CCDC121: variants seen among roughly 807,000 people sequenced by gnomAD.
CCDC121 encodes coiled-coil domain containing 121.
For synonymous variants in CCDC121, 108 were observed against 120.0 expected (o/e 0.90, Z 0.65); for missense variants, 238 against 304.1 (o/e 0.78, Z 1.62).
chr2:27,628,526 G>C lies in CCDC121; in HGVS notation c.-119+424C>G, dbSNP rs1172875284. ...CGGGAACAATGTGCAAGTGTGGAAAGCTCCCGTAGTTTATTCGTTCGGTGC... is the reference window on the plus strand; with the variant it reads ...CGGGAACAATGTGCAAGTGTGGAAACCTCCCGTAGTTTATTCGTTCGGTGC... On this transcript the variant is annotated intron_variant, in intron 1 of 1. Transcript: ENST00000324364. 3 of 1,551,450 alleles carry C rather than the reference G, an allele frequency of 1.9e-6. No homozygotes were observed. The highest frequency in any genetic ancestry group is 2.7e-5 in the African/African-American group (2 of 73,022).
rs367976168 is a variant in CCDC121 at position 27,627,516 on chromosome 2, T to G, written c.284A>C (p.Asn95Thr). 1 of 1,614,176 alleles carries G rather than the reference T, an allele frequency of 6.2e-7. No homozygotes were observed. The highest frequency in any genetic ancestry group is 8.5e-7 in the Non-Finnish European group (1 of 1,180,044). Residue 95 changes from asparagine to threonine, a missense_variant, in exon 2 of 2, where the codon AAT becomes ACT. Asn to Thr is a moderately conservative substitution (Grantham distance 65). Transcript: ENST00000324364. ...CTTCCGCTTCAAACTGGATTGGATA[T>G]TTTCCTTTTGCAAGAGCGCTGTTTT... ...VLKTALLQKE[N>T]IQSSLKRKLQ...
intron 1 of CCDC121, chr2:27,628,534 A>G: frequency 6.4e-7 from 1 of 1,551,438 alleles, no homozygotes; most frequent in Non-Finnish European, 8.7e-7. Flanking sequence ...AAGCTCCCGT[A>G]GTTTATTCGT....
rs4666003 is a variant in CCDC121, at chr2:27,625,719, A to G, written c.*1244T>C. 1 of 152,104 alleles carries G rather than the reference A, an allele frequency of 6.6e-6. No individual in the cohort carries two copies. The highest frequency in any genetic ancestry group is 1.5e-5 in the Non-Finnish European group (1 of 67,976). 9.4% of individuals were successfully genotyped at this position (152,104 alleles called of 1,614,324 possible). On this transcript the variant is annotated 3_prime_UTR_variant, in exon 2 of 2. Coordinates refer to ENST00000324364, the MANE Select transcript of CCDC121 (RefSeq NM_024584.5). ...ATTTAACAGAAAAGTTGTTAAAGCT[A>G]CAAGGTAAAGGCACATTGAAGGAGA...
chr2:27,628,596 T>G, intron 1 of CCDC121: 2 of 1,551,602 alleles, frequency 1.3e-6, no homozygotes, highest in Non-Finnish European at 1.7e-6. Flanking sequence ...GACTGCACCC[T>G]GCTCCAGTCC....
In CCDC121 at chr2:27,627,393, G is replaced by C; in HGVS notation, c.407C>G (p.Ala136Gly). ...GGCCTGTACTTCCCGTGTCTTTGAA[G>C]CTGTCTCAGCTTGGACTTTCTTTGT... ...EETKKVQAET[A>G]SKTREVQAQL... is the part of the protein sequence containing the mutation. The change falls in exon 2 of 2, where the codon GCT becomes GGT. Residue 136 changes from alanine to glycine, a missense_variant. Transcript: ENST00000324364. The C allele has an allele frequency of 1.9e-6, 3 of 1,614,158 alleles. No homozygotes were observed. The highest frequency in any genetic ancestry group is 2.5e-6 in the Non-Finnish European group (3 of 1,180,030).
In CCDC121 at chr2:27,627,508, A is replaced by G; in HGVS notation, c.292T>C (p.Ser98Pro). The change falls in exon 2 of 2, where the codon TCC (serine) becomes CCC (proline). Residue 98 changes from serine (S) to proline (P), a missense_variant. Physicochemically the swap from Ser to Pro is moderately conservative, Grantham distance 74 (BLOSUM62 -1). Transcript: ENST00000324364. Reference sequence around the variant, plus strand: ...GCCTGCAACTTCCGCTTCAAACTGGATTGGATATTTTCCTTTTGCAAGAGC... The same window carrying G: ...GCCTGCAACTTCCGCTTCAAACTGGGTTGGATATTTTCCTTTTGCAAGAGC... ...TALLQKENIQ[S>P]SLKRKLQAMR... 1 of 1,614,022 alleles carries G rather than the reference A, an allele frequency of 6.2e-7. No homozygotes were observed. The highest frequency in any genetic ancestry group is 8.5e-7 in the Non-Finnish European group (1 of 1,180,022).
chr2:27,628,506 A>G lies in CCDC121; in HGVS notation c.-119+444T>C, dbSNP rs146826794. 7.3e-5 allele frequency: 113 copies of G among 1,551,404 alleles called. No individual in the cohort carries two copies. In the African/African-American group the frequency reaches 1.5e-3, roughly 20 times the overall value. ...GAACCTGCGTCTGCAACTCGCGGGAACAATGTGCAAGTGTGGAAAGCTCCC... is the reference window on the plus strand; with the variant it reads ...GAACCTGCGTCTGCAACTCGCGGGAGCAATGTGCAAGTGTGGAAAGCTCCC... On this transcript the variant is annotated intron_variant, in intron 1 of 1. Coordinates refer to ENST00000324364, the MANE Select transcript of CCDC121 (RefSeq NM_024584.5).
chr2:27,627,164 T>C lies in CCDC121; in HGVS notation c.636A>G (p.Gln212=), dbSNP rs373417279. Residue 212 remains glutamine (Q), a synonymous_variant, in exon 2 of 2, where the codon CAA becomes CAG. Coordinates refer to ENST00000324364, the MANE Select transcript of CCDC121 (RefSeq NM_024584.5). Reference sequence around the variant, plus strand: ...TTTGAGTAGCCGTTAGTTTCTGGGCTTGCTCAATTAGCTGCAGTAATTCCT... The same window carrying C: ...TTTGAGTAGCCGTTAGTTTCTGGGCCTGCTCAATTAGCTGCAGTAATTCCT... The part of the protein sequence containing the change: ...FKKELLQLIE[Q]AQKLTATQSH... 3 of 1,613,924 alleles carry C rather than the reference T, an allele frequency of 1.9e-6. No homozygotes were observed. Among genetic ancestry groups the C allele is most frequent in the South Asian group, 1.1e-5 (1 of 91,080 alleles).
rs1230828665 is a variant in CCDC121 at position 27,626,873 on chromosome 2, A to G, written c.*90T>C. On this transcript the variant is annotated 3_prime_UTR_variant, in exon 2 of 2. Transcript: ENST00000324364. Reference sequence around the variant, plus strand: ...TCATGATGGAGATTTTACAATAGCAATCTGGAATCCAACAGCCTTTCTAAC... The same window carrying G: ...TCATGATGGAGATTTTACAATAGCAGTCTGGAATCCAACAGCCTTTCTAAC... 3.1e-5 allele frequency: 28 copies of G among 903,482 alleles called. No homozygotes were observed. The highest frequency in any genetic ancestry group is 4.3e-5 in the Non-Finnish European group (25 of 583,030). 56.0% of individuals were successfully genotyped at this position (903,482 alleles called of 1,614,324 possible).
chr2:27,626,544 A>G lies in CCDC121; in HGVS notation c.*419T>C, dbSNP rs1673283222. ...TAAGTTGGTCAAAAGGAATGAGGAT[A>G]AACTGGCAGAACGCTATTCAAAGTC... On this transcript the variant is annotated 3_prime_UTR_variant, in exon 2 of 2. Coordinates refer to ENST00000324364, the MANE Select transcript of CCDC121 (RefSeq NM_024584.5). 6.5e-6 allele frequency: 1 copy of G among 155,030 alleles called. No homozygotes were observed. Among genetic ancestry groups the G allele is most frequent in the Non-Finnish European group, 1.4e-5 (1 of 69,976 alleles). 9.6% of individuals were successfully genotyped at this position (155,030 alleles called of 1,614,324 possible).
At position 27,627,921 on chromosome 2, in the gene CCDC121, A is replaced by G. The variant is rs777354922; in HGVS notation, c.-118-4T>C. ...CCTTCTGGGGCCCTCAGCAAACCTG[A>G]AAGAACAAACGAGACATTCCTCTGT... On this transcript the variant is annotated splice_region_variant and splice_polypyrimidine_tract_variant and intron_variant, in intron 1 of 1. Transcript: ENST00000324364. The G allele has an allele frequency of 6.3e-7, 1 of 1,595,768 alleles. No individual in the cohort carries two copies. Among genetic ancestry groups the G allele is most frequent in the Non-Finnish European group, 8.6e-7 (1 of 1,164,410 alleles).
At position 27,628,989 on chromosome 2, in the gene CCDC121, C is replaced by G. The variant is rs1394896015; in HGVS notation, c.-158G>C. On this transcript the variant is annotated 5_prime_UTR_variant, in exon 1 of 2. Coordinates refer to ENST00000324364, the MANE Select transcript of CCDC121 (RefSeq NM_024584.5). The stretch of plus-strand genomic sequence containing the variant: ...CGCTGTGGTGGTTTTCGTTCGCAGC[C>G]CAGAACATTGCGGAAGTTTCTCTAC... The G allele has an allele frequency of 6.2e-7, 1 of 1,605,796 alleles. No individual in the cohort carries two copies. Among genetic ancestry groups the G allele is most frequent in the South Asian group, 1.1e-5 (1 of 90,122 alleles).
At position 27,626,166 on chromosome 2, in the gene CCDC121, G is replaced by A. The variant is rs142705188; in HGVS notation, c.*797C>T. 4,103 of 152,274 alleles carry A rather than the reference G, an allele frequency of 0.027. 180 individuals carry two copies. Among genetic ancestry groups the A allele is most frequent in the African/African-American group, 0.094 (3,920 of 41,500 alleles). 9.4% of individuals were successfully genotyped at this position (152,274 alleles called of 1,614,324 possible). ...ACATCATTTTACTTGCTATCTTTTA[G>A]AATGCTGCTAGGGAAATCGATGGCA... On this transcript the variant is annotated 3_prime_UTR_variant, in exon 2 of 2. Transcript: ENST00000324364.
At chr2:27,628,338 T>C in intron 1 of CCDC121, 1 of 1,466,214 alleles carries the variant, frequency 6.8e-7, no homozygotes, top group Non-Finnish European at 9.1e-7. Flanking sequence ...TTCCTGAGTT[T>C]CTGAGGGACC....
At position 27,627,057 on chromosome 2, in the gene CCDC121, T is replaced by G. The variant is rs1374469478; in HGVS notation, c.743A>C (p.Gln248Pro). The change falls in exon 2 of 2, where the codon CAA becomes CCA. Residue 248 changes from glutamine to proline, a missense_variant. Gln to Pro is a moderately conservative substitution (Grantham distance 76). Coordinates refer to ENST00000324364, the MANE Select transcript of CCDC121 (RefSeq NM_024584.5). ...ATTTAGGCACTGATTATGACTTCCT[T>G]GCAGTCTCTGCCTCGCCTGGATTAA... ...ESLIQARQRLQGSHNQCLNRQ... is the reference protein window; with the variant it reads ...ESLIQARQRLPGSHNQCLNRQ... The G allele has an allele frequency of 6.2e-7, 1 of 1,614,150 alleles. No homozygotes were observed.
chr2:27,628,041 G>A, intron 1 of CCDC121, 124 bp from the exon 2 acceptor site: 1 of 719,580 alleles, frequency 1.4e-6, no homozygotes, highest in South Asian at 1.9e-5. Flanking sequence ...CATTATGCAA[G>A]GTGTGGGGAA....
chr2:27,627,971 A>C, intron 1 of CCDC121, 54 bp from the exon 2 acceptor site: 1 of 1,195,352 alleles, frequency 8.4e-7, no homozygotes, highest in Non-Finnish European at 1.2e-6. Context: ...TTAGGAAGTA[A>C]GTGCACAACT....
chr2:27,628,247 A>G, intron 1 of CCDC121: 9 of 786,378 alleles, frequency 1.1e-5, no homozygotes, highest in Non-Finnish European at 1.8e-5. Flanking sequence ...CTTACTGAAC[A>G]CTGTTTGCAG....
Position 27,628,286 on chromosome 2 carries a change from T to G in CCDC121, c.-118-369A>C. On this transcript the variant is annotated intron_variant, in intron 1 of 1. Coordinates refer to ENST00000324364, the MANE Select transcript of CCDC121 (RefSeq NM_024584.5). ...CAAAGGGTCACAGAAACAGACTGGGTGGTCAGGAGTAGAAATAATTTTCTA... is the reference window on the plus strand; with the variant it reads ...CAAAGGGTCACAGAAACAGACTGGGGGGTCAGGAGTAGAAATAATTTTCTA... The G allele has an allele frequency of 2.9e-6, 3 of 1,048,216 alleles. No individual in the cohort carries two copies. The South Asian group carries it at 5.0e-5, about 18-fold the overall frequency. 64.9% of individuals were successfully genotyped at this position (1,048,216 alleles called of 1,614,324 possible). A position where few individuals can be genotyped will look rare whatever the true frequency, so the allele number is the denominator to read the frequency against.
Sources: gnomAD v4.1 joint callset for allele counts on GRCh38, gnomAD v4.1.1 for gene constraint, MANE v1.5 for transcripts, NCBI Gene and HGNC (gene_info 2026-07-23, HGNC 2026-07-21) for gene names.